The following TMEFF1 variants were observed in gnomAD, a reference collection of about 807,000 sequenced individuals.
The protein encoded by TMEFF1 is transmembrane protein with EGF like and two follistatin like domains 1.
TMEFF1 carries 20 observed loss-of-function variants against 47.5 expected under a neutral mutation model. The ratio of observed to expected loss-of-function variants is 0.42; its 90% confidence interval spans 0.30 to 0.61. TMEFF1 has a LOEUF of 0.61. TMEFF1 is among the 20% of genes least tolerant of loss of function. The pLI, the probability that TMEFF1 is intolerant of heterozygous loss-of-function variation, is 0.19. For missense variants in TMEFF1, 411 were observed against 471.1 expected (o/e 0.87, Z 1.18); for synonymous variants, 162 against 166.3 (o/e 0.97, Z 0.20).
At chr9:100,496,330 C>G (rs1033145662) in intron 1 of TMEFF1, among the ~76,000 whole-genome samples, 4 of 152,200 alleles carry the variant, frequency 2.6e-5, no homozygotes, top group Non-Finnish European at 5.9e-5. Context: ...GCCTCCTCCT[C>G]CTGGGTTCAA....
intron 7 of TMEFF1, among the ~76,000 whole-genome samples, chr9:100,555,838 A>G (rs1375741398): frequency 2.0e-5 from 3 of 152,196 alleles, no homozygotes; most frequent in African/African-American, 7.2e-5. Context: ...GTGCCCTACT[A>G]TGTGCCAGGT....
At chr9:100,570,973 A>G (rs1839228240) in intron 8 of TMEFF1, among the ~76,000 whole-genome samples, 1 of 152,112 alleles carries the variant, frequency 6.6e-6, no homozygotes, top group South Asian at 2.1e-4. Context: ...AGTGTCTTAA[A>G]TATTTCTCCC....
chr9:100,473,809 G>C lies in TMEFF1; in HGVS notation c.196+69G>C. 2 of 1,391,982 alleles carry C rather than the reference G, an allele frequency of 1.4e-6. No individual in the cohort carries two copies. The highest frequency in any genetic ancestry group is 1.9e-6 in the Non-Finnish European group (2 of 1,066,686). The allele number at this position is 1,391,982 out of a possible 1,614,324, so 86.2% of individuals were successfully genotyped here. A position where few individuals can be genotyped will look rare whatever the true frequency, so the allele number is the denominator to read the frequency against. ...TTGCCGCCTCCCTCGTGGTCCCTGC[G>C]GTCGGCCGGGCTGGGAAAGACCCCG... On this transcript the variant is annotated intron_variant, in intron 1 of 9. Transcript: ENST00000374879. The surrounding 1 kb of genome is among the most constrained non-coding windows in gnomAD (Gnocchi z 5.4).
intron 8 of TMEFF1, among the ~76,000 whole-genome samples, chr9:100,572,034 C>T (rs1460909733): frequency 2.0e-5 from 3 of 152,142 alleles, no homozygotes; most frequent in African/African-American, 7.2e-5. Context: ...GCCCACCACT[C>T]ACCTCCTGCT....
At chr9:100,496,434 T>C (rs565830084) in intron 1 of TMEFF1, among the ~76,000 whole-genome samples, 5 of 152,182 alleles carry the variant, frequency 3.3e-5, no homozygotes, top group Non-Finnish European at 7.3e-5. Flanking sequence ...GAAACAAGGT[T>C]TCATTATGTT....
chr9:100,576,770 C>A lies in TMEFF1; in HGVS notation c.*170C>A. On this transcript the variant is annotated 3_prime_UTR_variant, in exon 10 of 10. Transcript: ENST00000374879. ...CGACAGTTTTGGACTGTTTAGTAGT[C>A]TTTGTTTTATGTTTTTAAATACAGA... The A allele has an allele frequency of 1.5e-6, 1 of 674,460 alleles. No homozygotes were observed. The highest frequency in any genetic ancestry group is 2.2e-6 in the Non-Finnish European group (1 of 447,324). The allele number at this position is 674,460 out of a possible 1,614,324, so 41.8% of individuals were successfully genotyped here. A position where few individuals can be genotyped will look rare whatever the true frequency, so the allele number is the denominator to read the frequency against.
At chr9:100,474,427 G>A (rs1373480154) in intron 1 of TMEFF1, among the ~76,000 whole-genome samples, 1 of 152,028 alleles carries the variant, frequency 6.6e-6, no homozygotes, top group Non-Finnish European at 1.5e-5. Context: ...GAAAGTCCCA[G>A]GGCCCAGGAA....
intron 5 of TMEFF1, among the ~76,000 whole-genome samples, chr9:100,543,748 A>ACAC (rs1411220308): frequency 4.9e-5 from 6 of 122,358 alleles, no homozygotes; most frequent in South Asian, 2.7e-4. Flanking sequence ...CACACACACA[A>ACAC]ATCTCATAAT....
intron 5 of TMEFF1, chr9:100,518,555 GA>G: frequency 1.0e-6 from 1 of 953,792 alleles, no homozygotes; most frequent in Non-Finnish European, 1.2e-6. Context: ...CAAGGAAATT[GA>G]TGCAACAAGA....
At chr9:100,497,851 T>C (rs1837685882) in intron 1 of TMEFF1, among the ~76,000 whole-genome samples, 1 of 151,964 alleles carries the variant, frequency 6.6e-6, no homozygotes, top group Admixed American at 6.6e-5. Context: ...AGCAGCAGAA[T>C]CAGGAGTTAA....
intron 1 of TMEFF1, among the ~76,000 whole-genome samples, chr9:100,474,381 G>A (rs889542983): frequency 1.3e-5 from 2 of 151,986 alleles, no homozygotes; most frequent in African/African-American, 4.8e-5. Context: ...GGATCTGGGG[G>A]CTTAGAGTGA....
chr9:100,519,783 T>A (rs190437613), intron 5 of TMEFF1, among the ~76,000 whole-genome samples: 94 of 152,056 alleles, frequency 6.2e-4, no homozygotes, highest in Middle Eastern at 3.4e-3. Context: ...ATTCTGTTAG[T>A]TCTTAGCTGG....
At chr9:100,555,271 G>C (rs7047696) in intron 7 of TMEFF1, among the ~76,000 whole-genome samples, 118 of 152,156 alleles carry the variant, frequency 7.8e-4, no homozygotes, top group African/African-American at 2.6e-3. Context: ...CTTAGCTAAG[G>C]GCTTGTTTAG....
intron 1 of TMEFF1, among the ~76,000 whole-genome samples, chr9:100,489,742 A>T (rs1837515652): frequency 6.6e-6 from 1 of 152,174 alleles, no homozygotes; most frequent in African/African-American, 2.4e-5. Context: ...ATGTCAGGAA[A>T]TGTAGAGATT....
At chr9:100,532,964 C>A (rs1473263496) in intron 5 of TMEFF1, among the ~76,000 whole-genome samples, 1 of 151,812 alleles carries the variant, frequency 6.6e-6, no homozygotes, top group African/African-American at 2.4e-5. Context: ...TGGAAATCAT[C>A]ATTGTCAGTA....
At chr9:100,482,785 A>G (rs986778967) in intron 1 of TMEFF1, among the ~76,000 whole-genome samples, 6 of 152,150 alleles carry the variant, frequency 3.9e-5, no homozygotes, top group Admixed American at 6.5e-5. Flanking sequence ...TTTGGATGGG[A>G]GACCTTATTT....
intron 1 of TMEFF1, among the ~76,000 whole-genome samples, chr9:100,489,435 C>A (rs542635784): frequency 3.9e-5 from 6 of 152,218 alleles, no homozygotes; most frequent in African/African-American, 1.4e-4. Flanking sequence ...AAGCAATCCT[C>A]CTGCCTTGGC....
intron 5 of TMEFF1, 55 bp from the exon 6 acceptor site, chr9:100,547,689 G>A (rs918659479): frequency 7.2e-7 from 1 of 1,397,354 alleles, no homozygotes; most frequent in Non-Finnish European, 9.4e-7. Flanking sequence ...TGCTGTTGCA[G>A]CATTGTGAAA....
chr9:100,529,725 G>C (rs1255702048), intron 5 of TMEFF1, among the ~76,000 whole-genome samples: 5 of 152,058 alleles, frequency 3.3e-5, no homozygotes, highest in Non-Finnish European at 7.4e-5. Context: ...ATTGAACTCA[G>C]CTCTGCACCA....
Sources: gnomAD v4.1 joint callset for allele counts (sites outside exome capture counted in the v4.1 genomes callset) on GRCh38, gnomAD v4.1.1 for gene constraint, Gnocchi (gnomAD v3.1) non-coding constraint, MANE v1.5 for transcripts, NCBI Gene and HGNC (gene_info 2026-07-23, HGNC 2026-07-21) for gene names.